Variants in SLC28A3 observed in about 807,000 individuals in gnomAD.
SLC28A3 encodes concentrative Na(+)-nucleoside cotransporter 3.
SLC28A3 carries 68 observed loss-of-function variants against 84.2 expected under a neutral mutation model. That is an observed-to-expected ratio of 0.81 (90% CI 0.66 to 0.99). The LOEUF is 0.99. SLC28A3 is among the 50% of genes least tolerant of loss of function. The pLI is 0.00. For synonymous variants in SLC28A3, 267 were observed against 303.6 expected, an observed-to-expected ratio of 0.88 and a Z score of 1.25; for missense variants, 712 against 841.5, an observed-to-expected ratio of 0.85 and a Z score of 1.90.
chr9:84,343,371 G>C (rs954547302), upstream of SLC28A3, among the ~76,000 whole-genome samples: 1 of 152,090 alleles, frequency 6.6e-6, no homozygotes, highest in African/African-American at 2.4e-5. Flanking sequence ...GTCTCTCTGG[G>C]CCTGATAGAT....
intron 5 of SLC28A3, 69 bp from the exon 6 acceptor site, chr9:84,299,794 A>AT (rs200253055): frequency 0.14 from 162,978 of 1,173,160 alleles, 582 homozygotes; most frequent in East Asian, 0.29. Flanking sequence ...ATCAGGCTTA[A>AT]TTTTTTTTTT....
At chr9:84,307,862 A>G (rs13288052) in intron 3 of SLC28A3, among the ~76,000 whole-genome samples, 19,096 of 152,212 alleles carry the variant, frequency 0.13, 1,275 homozygotes, top group East Asian at 0.18. Flanking sequence ...TTGGTTATCT[A>G]GGCTGAATAA....
chr9:84,366,584 T>C, the SLC28A3 span, among the ~76,000 whole-genome samples: 1 of 152,208 alleles, frequency 6.6e-6, no homozygotes, highest in Non-Finnish European at 1.5e-5. Context: ...ATCTAAGCTA[T>C]ATCTGCTTTG....
chr9:84,288,569 A>T lies in SLC28A3; in HGVS notation c.1150-391T>A, dbSNP rs1280387752. On this transcript the variant is annotated intron_variant, in intron 11 of 17. Coordinates refer to ENST00000376238, the MANE Select transcript of SLC28A3 (RefSeq NM_001199633.2). The stretch of plus-strand genomic sequence containing the variant: ...TGTCATTACAACTTTTTTTTTTTTG[A>T]GATGGAGTCTTGCTCCGTCACCCAG... Among the ~76,000 whole-genome samples the T allele has an allele frequency of 4.1e-5, 6 of 145,898 alleles. No homozygotes were observed. The South Asian group carries it at 6.4e-4, about 16-fold the overall frequency.
At chr9:84,280,591 CTG>C (rs1480167723) in intron 15 of SLC28A3, among the ~76,000 whole-genome samples, 12 of 152,120 alleles carry the variant, frequency 7.9e-5, no homozygotes, top group Non-Finnish European at 1.3e-4. Context: ...GGAGAAGCAT[CTG>C]TATGTTTGAG....
chr9:84,323,922 T>G (rs893352534), intron 1 of SLC28A3, among the ~76,000 whole-genome samples: 1 of 152,154 alleles, frequency 6.6e-6, no homozygotes, highest in Non-Finnish European at 1.5e-5. Context: ...CCTTGTACAG[T>G]ACAGTCACTA....
chr9:84,290,387 G>T, intron 10 of SLC28A3, 108 bp from the exon 11 acceptor site: 2 of 1,395,196 alleles, frequency 1.4e-6, no homozygotes, highest in African/African-American at 1.4e-5. Flanking sequence ...CAGTTTCTAA[G>T]AGTGAACCTC....
chr9:84,326,957 T>A (rs1005015469), intron 1 of SLC28A3, among the ~76,000 whole-genome samples: 1 of 152,034 alleles, frequency 6.6e-6, no homozygotes, highest in Admixed American at 6.6e-5. Flanking sequence ...TGAGCCAAGA[T>A]AGATCATGCC....
chr9:84,319,591 T>G (rs201834798), intron 1 of SLC28A3, among the ~76,000 whole-genome samples: 3 of 152,158 alleles, frequency 2.0e-5, no homozygotes, highest in Admixed American at 6.5e-5. Flanking sequence ...CTTGCGGCTG[T>G]TGGGTTATCT....
Position 84,315,592 on chromosome 9 carries a change from G to A in SLC28A3, c.61-2138C>T, listed in dbSNP as rs532864798. On this transcript the variant is annotated intron_variant, in intron 1 of 17. Transcript: ENST00000376238. ...TTAAGTGGCAACAAGAGCACGTGTGGTTTTGTTCTCCACTGTGTAATAGTC... is the reference window on the plus strand; with the variant it reads ...TTAAGTGGCAACAAGAGCACGTGTGATTTTGTTCTCCACTGTGTAATAGTC... Among the ~76,000 whole-genome samples the A allele has an allele frequency of 2.6e-5, 4 of 152,278 alleles. No individual in the cohort carries two copies. The South Asian group carries it at 6.2e-4, about 24-fold the overall frequency.
At chr9:84,348,193 A>C in the SLC28A3 span, among the ~76,000 whole-genome samples, 17 of 152,176 alleles carry the variant, frequency 1.1e-4, no homozygotes, top group African/African-American at 4.1e-4. Context: ...ATAACTGTTA[A>C]GAATGCAGGT....
At position 84,279,264 on chromosome 9, in the gene SLC28A3, C is replaced by A. The variant is rs1250186150; in HGVS notation, c.1949+1G>T. ...AGAAATTATAATCAAGAATACAATA[C>A]CTGCTCAACAGACTTTGGCAACAAG... On this transcript the variant is annotated splice_donor_variant, in intron 17 of 17. Coordinates refer to ENST00000376238, the MANE Select transcript of SLC28A3 (RefSeq NM_001199633.2). LOFTEE classifies it high-confidence loss of function. 6.2e-7 allele frequency: 1 copy of A among 1,606,140 alleles called. No individual in the cohort carries two copies. The highest frequency in any genetic ancestry group is 8.5e-7 in the Non-Finnish European group (1 of 1,177,130).
intron 2 of SLC28A3, among the ~76,000 whole-genome samples, chr9:84,312,520 C>T (rs913686837): frequency 2.7e-5 from 4 of 150,852 alleles, no homozygotes; most frequent in Non-Finnish European, 5.9e-5. Context: ...CAAAATGACA[C>T]ACTAGTGGGC....
In SLC28A3 at chr9:84,325,541, TTTAA is replaced by T. The variant is rs554417212; in HGVS notation, c.61-12091_61-12088del. On this transcript the variant is annotated intron_variant, in intron 1 of 17. Transcript: ENST00000376238. Reference sequence around the variant, plus strand: ...ACTGTGCTGTGTTGGTTTGCCATTGTTTAATTAATTTTAACCAAACTAGCTTTCT... The same window carrying T: ...ACTGTGCTGTGTTGGTTTGCCATTGTTTAATTTTAACCAAACTAGCTTTCT... 2.0e-5 allele frequency among the ~76,000 whole-genome samples: 3 copies of T among 152,348 alleles called. No homozygotes were observed. The South Asian group carries it at 6.2e-4, about 32-fold the overall frequency.
At chr9:84,310,030 C>T (rs1825939013) in intron 2 of SLC28A3, among the ~76,000 whole-genome samples, 1 of 152,160 alleles carries the variant, frequency 6.6e-6, no homozygotes, top group Non-Finnish European at 1.5e-5. Context: ...CCAACCCCAT[C>T]TCTGTTTTCA....
At chr9:84,368,027 C>T in the SLC28A3 span, among the ~76,000 whole-genome samples, 3 of 152,216 alleles carry the variant, frequency 2.0e-5, no homozygotes, top group East Asian at 1.9e-4. Flanking sequence ...TTATGGGTGT[C>T]GGGTTGGGGG....
chr9:84,288,263 A>C, intron 11 of SLC28A3, 85 bp from the exon 12 acceptor site: 1 of 1,576,840 alleles, frequency 6.3e-7, no homozygotes, highest in Non-Finnish European at 8.7e-7. Flanking sequence ...CCGCAAGGGA[A>C]GAAACAGGGC....
intron 1 of SLC28A3, among the ~76,000 whole-genome samples, chr9:84,332,088 A>G (rs377255201): frequency 4.6e-5 from 7 of 152,310 alleles, no homozygotes; most frequent in African/African-American, 1.7e-4. Flanking sequence ...ATTAAACTCA[A>G]TTTCAGGGGG....
At chr9:84,330,345 T>C (rs1474572072) in intron 1 of SLC28A3, among the ~76,000 whole-genome samples, 2 of 152,296 alleles carry the variant, frequency 1.3e-5, no homozygotes, top group Admixed American at 1.3e-4. Context: ...AAATGTAAAG[T>C]TGTTACTTTA....
Sources: gnomAD v4.1 joint callset for allele counts (sites outside exome capture counted in the v4.1 genomes callset) on GRCh38, gnomAD v4.1.1 for gene constraint, MANE v1.5 for transcripts, NCBI Gene and HGNC (gene_info 2026-07-23, HGNC 2026-07-21) for gene names.